TMEM132D: variants seen among roughly 807,000 people sequenced by gnomAD.
TMEM132D encodes transmembrane protein 132D.
Under a neutral mutation model 62.3 loss-of-function variants are expected in TMEM132D, and 21 were observed. That is an observed-to-expected ratio of 0.34 (90% CI 0.24 to 0.49). TMEM132D has a LOEUF of 0.49. Among genes scored for constraint, TMEM132D ranks in the 20% least tolerant of loss-of-function variants. TMEM132D has a pLI of 0.99. For synonymous variants in TMEM132D, 621 were observed against 575.6 expected, an observed-to-expected ratio of 1.08 and a Z score of -1.13; for missense variants, 1,346 against 1,402.8, an observed-to-expected ratio of 0.96 and a Z score of 0.65.
intron 5 of TMEM132D, among the ~76,000 whole-genome samples, chr12:129,089,849 A>C (rs1480852095): frequency 6.6e-6 from 1 of 152,250 alleles, no homozygotes; most frequent in South Asian, 2.1e-4. Context: ...GGCGTAGACC[A>C]GATTCAGCCC....
chr12:129,355,750 T>C (rs1870021820), intron 3 of TMEM132D, among the ~76,000 whole-genome samples: 1 of 152,222 alleles, frequency 6.6e-6, no homozygotes, highest in Non-Finnish European at 1.5e-5. Flanking sequence ...TGTGCTTTTG[T>C]TCTTAACAAT....
chr12:129,890,650 G>A (rs551224279), intron 1 of TMEM132D, among the ~76,000 whole-genome samples: 11 of 152,280 alleles, frequency 7.2e-5, no homozygotes, highest in East Asian at 3.9e-4. Flanking sequence ...CTCACATCAC[G>A]CAATCAGCGA....
intron 1 of TMEM132D, among the ~76,000 whole-genome samples, chr12:129,760,608 A>C (rs1870338153): frequency 6.7e-6 from 1 of 150,040 alleles, no homozygotes; most frequent in African/African-American, 2.4e-5. Context: ...AAGCCTCCTG[A>C]AGTACTGGGA....
At chr12:129,747,177 T>TCTCATTCTCCCTCCTCCCG (rs1869812751) in intron 1 of TMEM132D, among the ~76,000 whole-genome samples, 1 of 132,088 alleles carries the variant, frequency 7.6e-6, no homozygotes, top group Non-Finnish European at 1.6e-5. Context: ...GTCCAATAGC[T>TCTCATTCTCCCTCCTCCCG]CTCCTTCTCC....
chr12:129,480,848 C>G (rs949194165), intron 3 of TMEM132D, among the ~76,000 whole-genome samples: 1 of 152,106 alleles, frequency 6.6e-6, no homozygotes, highest in Non-Finnish European at 1.5e-5. Flanking sequence ...GAGATGTGTC[C>G]CAGAACAATT....
At chr12:129,845,567 G>A (rs954911892) in intron 1 of TMEM132D, among the ~76,000 whole-genome samples, 3 of 152,178 alleles carry the variant, frequency 2.0e-5, no homozygotes, top group Non-Finnish European at 4.4e-5. Flanking sequence ...AAGCCCCTCA[G>A]CTGCCCCACT....
chr12:129,849,464 C>A (rs778162774), intron 1 of TMEM132D, among the ~76,000 whole-genome samples: 1 of 152,164 alleles, frequency 6.6e-6, no homozygotes, highest in African/African-American at 2.4e-5. Context: ...TTACAAAAAT[C>A]GAATTCCTTT....
At chr12:129,474,461 A>G (rs2137049230) in intron 3 of TMEM132D, among the ~76,000 whole-genome samples, 1 of 152,298 alleles carries the variant, frequency 6.6e-6, no homozygotes, top group Non-Finnish European at 1.5e-5. Flanking sequence ...ACAGACCACA[A>G]GTAGGATCAC....
intron 5 of TMEM132D, among the ~76,000 whole-genome samples, chr12:129,124,712 A>G (rs1473514138): frequency 6.6e-6 from 1 of 152,190 alleles, no homozygotes; most frequent in South Asian, 2.1e-4. Context: ...TTGTTCACCT[A>G]TTGATGGAGA....
chr12:129,248,353 C>A (rs1880178446), intron 4 of TMEM132D, among the ~76,000 whole-genome samples: 1 of 152,154 alleles, frequency 6.6e-6, no homozygotes, highest in South Asian at 2.1e-4. Context: ...ATAGGGATGT[C>A]ATTCTTCCTT....
chr12:129,175,287 A>G (rs1356678095), intron 5 of TMEM132D, among the ~76,000 whole-genome samples: 1 of 152,164 alleles, frequency 6.6e-6, no homozygotes, highest in East Asian at 1.9e-4. Flanking sequence ...AGTTTTCTGT[A>G]TATGGATGCC....
intron 2 of TMEM132D, among the ~76,000 whole-genome samples, chr12:129,559,658 T>C (rs2137112144): frequency 6.6e-6 from 1 of 152,356 alleles, no homozygotes; most frequent in African/African-American, 2.4e-5. Flanking sequence ...TAACCTAGAA[T>C]TCTTCTTGCT....
At chr12:129,339,679 T>A (rs1869404542) in intron 3 of TMEM132D, among the ~76,000 whole-genome samples, 1 of 152,192 alleles carries the variant, frequency 6.6e-6, no homozygotes, top group African/African-American at 2.4e-5. Flanking sequence ...GATGCTAGAA[T>A]GCACCTTCGT....
chr12:129,516,570 G>A (rs535135703), intron 3 of TMEM132D, among the ~76,000 whole-genome samples: 2 of 152,240 alleles, frequency 1.3e-5, no homozygotes, highest in Non-Finnish European at 2.9e-5. Context: ...TCACTACCAT[G>A]AGAACAGTAT....
At chr12:129,535,358 G>C (rs976224804) in intron 2 of TMEM132D, among the ~76,000 whole-genome samples, 1 of 152,200 alleles carries the variant, frequency 6.6e-6, no homozygotes, top group Non-Finnish European at 1.5e-5. Flanking sequence ...CTGGACAGCC[G>C]TATCCCCACT....
chr12:129,311,671 G>A (rs1361014873), intron 4 of TMEM132D, among the ~76,000 whole-genome samples: 3 of 152,206 alleles, frequency 2.0e-5, no homozygotes, highest in African/African-American at 7.2e-5. Context: ...GAAGAAGTTG[G>A]TGGTGGGGCG....
At position 129,086,201 on chromosome 12, in the gene TMEM132D, CGT is replaced by C. The variant is rs1218792744; in HGVS notation, c.1444-1501_1444-1500del. Among the ~76,000 whole-genome samples the C allele has an allele frequency of 7.9e-4, 112 of 141,132 alleles. 1 individual carries two copies. In the South Asian group the frequency reaches 0.011, roughly 14 times the overall value. The allele number at this position is 141,132 out of a possible 152,430, so 92.6% of individuals were successfully genotyped here. A position where few individuals can be genotyped will look rare whatever the true frequency, so the allele number is the denominator to read the frequency against. On this transcript the variant is annotated intron_variant, in intron 5 of 8. Coordinates refer to ENST00000422113, the MANE Select transcript of TMEM132D (RefSeq NM_133448.3). ...ATCACCTCACATAGTCACGCGCGCG[CGT>C]GTGTGTGTGTGTGTGTGTGTGTGTG...
intron 4 of TMEM132D, among the ~76,000 whole-genome samples, chr12:129,288,027 G>A (rs370102276): frequency 3.0e-4 from 45 of 152,204 alleles, no homozygotes; most frequent in African/African-American, 1.1e-3. Context: ...TTGACTATTT[G>A]GTGTCCTCTG....
chr12:129,882,616 C>CA (rs1315728512), intron 1 of TMEM132D, among the ~76,000 whole-genome samples: 10 of 152,122 alleles, frequency 6.6e-5, no homozygotes, highest in Admixed American at 1.3e-4. Flanking sequence ...TCCCAACACA[C>CA]AAAAAATCAT....
Sources: allele counts gnomAD v4.1 joint callset (sites outside exome capture counted in the v4.1 genomes callset), GRCh38; gene constraint gnomAD v4.1.1; transcripts MANE v1.5; gene names NCBI Gene and HGNC (gene_info 2026-07-23, HGNC 2026-07-21).